The following KCNIP4 variants were observed in gnomAD, a reference collection of about 807,000 sequenced individuals.
KCNIP4 encodes potassium voltage-gated channel interacting protein 4, also known as Kv channel-interacting protein 4.
In KCNIP4, 12 loss-of-function variants were observed where a neutral mutation model predicts 34.0. That is an observed-to-expected ratio of 0.35 (90% CI 0.23 to 0.57). The LOEUF is 0.57. Ranked by LOEUF, KCNIP4 falls within the 20% of genes least tolerant of loss-of-function variation. The pLI, the probability that KCNIP4 is intolerant of heterozygous loss-of-function variation, is 0.83. For synonymous variants in KCNIP4, 124 were observed against 102.2 expected, an observed-to-expected ratio of 1.21 and a Z score of -1.29; for missense variants, 238 against 311.7, an observed-to-expected ratio of 0.76 and a Z score of 1.78.
chr4:21,032,223 G>A (rs1165202591), intron 1 of KCNIP4, among the ~76,000 whole-genome samples: 1 of 152,118 alleles, frequency 6.6e-6, no homozygotes, highest in African/African-American at 2.4e-5. Flanking sequence ...TTTCTTACAT[G>A]AGCCCGGATG....
intron 1 of KCNIP4, among the ~76,000 whole-genome samples, chr4:21,002,279 G>C (rs1738200556): frequency 6.6e-6 from 1 of 152,166 alleles, no homozygotes; most frequent in Non-Finnish European, 1.5e-5. Context: ...TTTTCAATGT[G>C]CATTCTGAAA....
Position 21,155,336 on chromosome 4 carries a change from G to A in KCNIP4, c.62-272627C>T, listed in dbSNP as rs1336569316. On this transcript the variant is annotated intron_variant, in intron 1 of 8. Transcript: ENST00000382152. ...AAATGTACATATTGCCTCTGCCAAG[G>A]AACCTTAGAAGACATTATTTTAAGG... is the stretch of plus-strand genomic sequence containing the variant. Among the ~76,000 whole-genome samples, 4 of 152,258 alleles carry A rather than the reference G, an allele frequency of 2.6e-5. No homozygotes were observed. In the East Asian group the frequency reaches 7.7e-4, roughly 29 times the overall value.
At chr4:20,759,792 CG>C (rs1414865328) in intron 3 of KCNIP4, among the ~76,000 whole-genome samples, 1 of 152,116 alleles carries the variant, frequency 6.6e-6, no homozygotes, top group Non-Finnish European at 1.5e-5. Flanking sequence ...AGAATTTAGG[CG>C]TAGAGGCCCC....
chr4:21,344,483 A>C (rs1417639593), intron 1 of KCNIP4, among the ~76,000 whole-genome samples: 1 of 152,162 alleles, frequency 6.6e-6, no homozygotes, highest in East Asian at 1.9e-4. Context: ...GAGTTTTAAG[A>C]AACAGTGGGG....
At chr4:21,410,041 T>C (rs1701198516) in intron 1 of KCNIP4, among the ~76,000 whole-genome samples, 1 of 152,160 alleles carries the variant, frequency 6.6e-6, no homozygotes, top group South Asian at 2.1e-4. Flanking sequence ...CAATTGCAGT[T>C]GATGGCACTC....
At chr4:21,509,224 A>T (rs1477285598) in intron 1 of KCNIP4, among the ~76,000 whole-genome samples, 1 of 152,182 alleles carries the variant, frequency 6.6e-6, no homozygotes, top group East Asian at 1.9e-4. Context: ...GGCCCTTTAC[A>T]TTTTACAGAG....
rs149593347 is a variant in KCNIP4 at position 20,903,263 on chromosome 4, A to G, written c.62-20554T>C. 1.2e-4 allele frequency among the ~76,000 whole-genome samples: 19 copies of G among 152,300 alleles called. No individual in the cohort carries two copies. The East Asian group carries it at 3.7e-3, about 29-fold the overall frequency. On this transcript the variant is annotated intron_variant, in intron 1 of 8. Coordinates refer to ENST00000382152, the MANE Select transcript of KCNIP4 (RefSeq NM_025221.6). ...CCTTAGTTCCTCTTCTTGCTTTCCT[A>G]CTGAACAGCAACCCTATGTCTTTCT...
intron 1 of KCNIP4, among the ~76,000 whole-genome samples, chr4:21,415,592 T>C (rs1236134400): frequency 2.0e-5 from 3 of 151,272 alleles, no homozygotes; most frequent in Non-Finnish European, 4.4e-5. Context: ...ATCCCAACTA[T>C]TCAGGAGGCT....
At chr4:21,519,359 C>T in intron 1 of KCNIP4, among the ~76,000 whole-genome samples, 2 of 143,614 alleles carry the variant, frequency 1.4e-5, no homozygotes, top group Non-Finnish European at 3.0e-5. Context: ...CACACACACA[C>T]ACACACACAC....
At chr4:21,499,708 C>T (rs960705873) in intron 1 of KCNIP4, among the ~76,000 whole-genome samples, 1 of 152,162 alleles carries the variant, frequency 6.6e-6, no homozygotes, top group East Asian at 1.9e-4. Flanking sequence ...CATATGAACA[C>T]TATGATGAAA....
At chr4:21,914,492 C>T (rs1452663567) in intron 1 of KCNIP4, among the ~76,000 whole-genome samples, 4 of 152,112 alleles carry the variant, frequency 2.6e-5, no homozygotes, top group Non-Finnish European at 5.9e-5. Flanking sequence ...TGCCAGGCTC[C>T]TTCTCAGCTC....
chr4:21,797,833 A>T (rs1366984044), intron 1 of KCNIP4, among the ~76,000 whole-genome samples: 2 of 152,174 alleles, frequency 1.3e-5, no homozygotes, highest in Non-Finnish European at 2.9e-5. Flanking sequence ...GTTTGATAGG[A>T]TAGCTGCCAA....
At position 21,714,981 on chromosome 4, in the gene KCNIP4, T is replaced by C. The variant is rs1235089215; in HGVS notation, c.61+233590A>G. ...TTTATTTTATTTTATTTTATTTTAT[T>C]TTATTTTATTTTATTTTATTTTATT... On this transcript the variant is annotated intron_variant, in intron 1 of 8. Transcript: ENST00000382152. 1.6e-3 allele frequency among the ~76,000 whole-genome samples: 2 copies of C among 1,262 alleles called. 1 individual carries two copies. The highest frequency in any genetic ancestry group is 1.9e-3 in the Non-Finnish European group (2 of 1,026). 0.8% of individuals were successfully genotyped at this position (1,262 alleles called of 152,430 possible).
At chr4:21,384,372 C>T (rs1249907035) in intron 1 of KCNIP4, among the ~76,000 whole-genome samples, 1 of 152,088 alleles carries the variant, frequency 6.6e-6, no homozygotes, top group African/African-American at 2.4e-5. Flanking sequence ...GACTGGAACA[C>T]AGTAGATATT....
chr4:21,148,842 T>A (rs1752570649), intron 1 of KCNIP4, among the ~76,000 whole-genome samples: 1 of 152,210 alleles, frequency 6.6e-6, no homozygotes, highest in South Asian at 2.1e-4. Context: ...ATGATCAATC[T>A]GTTTTGATGA....
intron 1 of KCNIP4, among the ~76,000 whole-genome samples, chr4:21,533,296 C>T (rs1448745348): frequency 2.0e-5 from 3 of 152,030 alleles, no homozygotes; most frequent in African/African-American, 7.2e-5. Flanking sequence ...CAACACGATG[C>T]TATTCCTGCT....
intron 1 of KCNIP4, among the ~76,000 whole-genome samples, chr4:21,504,905 C>T (rs1489925143): frequency 1.3e-5 from 2 of 152,276 alleles, no homozygotes; most frequent in East Asian, 3.9e-4. Context: ...GTGAATTCAA[C>T]AATCCTTACA....
At chr4:21,084,358 A>C (rs1395128464) in intron 1 of KCNIP4, among the ~76,000 whole-genome samples, 2 of 149,850 alleles carry the variant, frequency 1.3e-5, no homozygotes, top group Non-Finnish European at 2.9e-5. Context: ...AACATATCTT[A>C]AATTAGATTG....
intron 1 of KCNIP4, among the ~76,000 whole-genome samples, chr4:21,589,336 A>G (rs1182761902): frequency 1.4e-5 from 2 of 147,726 alleles, no homozygotes; most frequent in Non-Finnish European, 1.5e-5. Flanking sequence ...ACGTGTATAT[A>G]TATACATGTG....
Sources: allele counts gnomAD v4.1 joint callset (sites outside exome capture counted in the v4.1 genomes callset), GRCh38; gene constraint gnomAD v4.1.1; transcripts MANE v1.5; gene names NCBI Gene and HGNC (gene_info 2026-07-23, HGNC 2026-07-21).